Variants in DPP9 observed in about 807,000 individuals in gnomAD.
DPP9 encodes the protein dipeptidyl peptidase IV-related protein-2.
DPP9 carries 50 observed loss-of-function variants against 110.7 expected under a neutral mutation model. That is an observed-to-expected ratio of 0.45 (90% confidence interval 0.36 to 0.57). The LOEUF is 0.57. DPP9 is among the 20% of genes least tolerant of loss of function. The probability of loss-of-function intolerance (pLI) is 0.00; values close to 1 mark genes in which losing one functional copy is unlikely to be tolerated. For missense variants in DPP9, 1,022 were observed against 1,217.9 expected, an observed-to-expected ratio of 0.84 and a Z score of 2.39; for synonymous variants, 561 against 514.4, an observed-to-expected ratio of 1.09 and a Z score of -1.23.
chr19:4,713,609 C>T (rs540375143), intron 4 of DPP9, among the ~76,000 whole-genome samples: 14 of 152,346 alleles, frequency 9.2e-5, no homozygotes, highest in South Asian at 2.1e-4. Context: ...CCCGGAACCT[C>T]GGGATCCTTC....
At chr19:4,712,089 G>A (rs1280470566) in intron 4 of DPP9, among the ~76,000 whole-genome samples, 2 of 152,176 alleles carry the variant, frequency 1.3e-5, no homozygotes, top group Non-Finnish European at 2.9e-5. Context: ...CCCAACGGGA[G>A]CAAGTGGCCC....
rs545058000 is a variant in DPP9, at chr19:4,718,606, G to C, written c.56+1245C>G. On this transcript the variant is annotated intron_variant, in intron 3 of 21. Coordinates refer to ENST00000262960, the MANE Select transcript of DPP9 (RefSeq NM_139159.5). The surrounding 1 kb of genome is among the most constrained non-coding windows in gnomAD (Gnocchi z 4.3). ...CAGCACTGCCTGGGCCTTTAGCTTT[G>C]ATGAGCAACCTTTACAGAGTCACCC... Among the ~76,000 whole-genome samples, 17 of 152,332 alleles carry C rather than the reference G, an allele frequency of 1.1e-4. No homozygotes were observed. Among genetic ancestry groups the C allele is most frequent in the African/African-American group, 2.6e-4 (11 of 41,578 alleles).
chr19:4,683,262 G>A (rs894080432), intron 19 of DPP9: 15 of 1,436,550 alleles, frequency 1.0e-5, no homozygotes, highest in East Asian at 2.5e-5. Flanking sequence ...TTGTGCAGCC[G>A]GATGCCATCC....
chr19:4,683,650 C>G, intron 18 of DPP9, 21 bp from the exon 19 acceptor site: 1 of 1,613,288 alleles, frequency 6.2e-7, no homozygotes. Flanking sequence ...AAGCCGGGCA[C>G]CTCTCAGTGG....
At chr19:4,696,968 G>A (rs972816590) in intron 11 of DPP9, among the ~76,000 whole-genome samples, 6 of 152,086 alleles carry the variant, frequency 3.9e-5, no homozygotes, top group Admixed American at 1.3e-4. Context: ...GCATAGTGGC[G>A]AGTACCTATA....
Position 4,684,967 on chromosome 19 carries a change from G to T in DPP9, c.2032-158C>A, listed in dbSNP as rs1323084001. The T allele has an allele frequency of 1.1e-6, 1 of 929,588 alleles. No individual in the cohort carries two copies. The highest frequency in any genetic ancestry group is 1.7e-6 in the Non-Finnish European group (1 of 593,638). 57.6% of individuals were successfully genotyped at this position (929,588 alleles called of 1,614,324 possible). On this transcript the variant is annotated intron_variant, in intron 17 of 21. Transcript: ENST00000262960. This position sits in a 1 kb window ranked among gnomAD's most constrained non-coding sequence, Gnocchi z 4.8. ...AGGCTCTGGATGGACACCTGGGAGTGGCAAGGCGGGAGGGGCCCATACTCG... is the reference window on the plus strand; with the variant it reads ...AGGCTCTGGATGGACACCTGGGAGTTGCAAGGCGGGAGGGGCCCATACTCG...
chr19:4,707,544 C>T (rs2092644936), intron 4 of DPP9, among the ~76,000 whole-genome samples: 2 of 151,882 alleles, frequency 1.3e-5, no homozygotes, highest in South Asian at 4.2e-4. Flanking sequence ...ACTTTCAACC[C>T]TGAGTTTCTC....
Position 4,704,215 on chromosome 19 carries a change from G to A in DPP9, c.516C>T (p.Asp172=), listed in dbSNP as rs2092456098. 2.5e-6 allele frequency: 4 copies of A among 1,613,920 alleles called. No homozygotes were observed. The South Asian group carries it at 3.3e-5, about 13-fold the overall frequency. ...GGAAGAGGCCACTCTCGCTGTGGAA[G>A]TCGTAGGAGGTGATGCCGAAGACCC... ...RLGVFGITSY[D]FHSESGLFLF... Residue 172 remains aspartate, a synonymous_variant, in exon 6 of 22, where the codon GAC becomes GAT. Transcript: ENST00000262960. The surrounding 1 kb of genome is among the most constrained non-coding windows in gnomAD (Gnocchi z 6.0).
Position 4,714,174 on chromosome 19 carries a change from A to C in DPP9, c.220T>G (p.Ser74Ala), listed in dbSNP as rs1257845837. The change falls in exon 4 of 22, where the codon TCG becomes GCG. Residue 74 changes from serine to alanine, a missense_variant. Ser to Ala is a moderately conservative substitution (Grantham distance 99). Coordinates refer to ENST00000262960, the MANE Select transcript of DPP9 (RefSeq NM_139159.5). ...GGCGCCTTGTTGACAATGAGGCCCGAGTACTTGCGGCTGCCGTGGATGATG... is the reference window on the plus strand; with the variant it reads ...GGCGCCTTGTTGACAATGAGGCCCGCGTACTTGCGGCTGCCGTGGATGATG... ...RSIIHGSRKY[S>A]GLIVNKAPHD... 4 of 1,612,314 alleles carry C rather than the reference A, an allele frequency of 2.5e-6. No homozygotes were observed. Among genetic ancestry groups the C allele is most frequent in the African/African-American group, 1.3e-5 (1 of 74,838 alleles).
rs2092965148 is a variant in DPP9, at chr19:4,714,113, G to T, written c.281C>A (p.Ser94Tyr). 3 of 1,612,952 alleles carry T rather than the reference G, an allele frequency of 1.9e-6. No individual in the cohort carries two copies. Among genetic ancestry groups the T allele is most frequent in the Non-Finnish European group, 2.5e-6 (3 of 1,179,454 alleles). The change falls in exon 4 of 22, where the codon TCT (serine) becomes TAT (tyrosine). Residue 94 changes from serine to tyrosine, a missense_variant. Physicochemically the swap from Ser to Tyr is moderately radical, Grantham distance 144. Transcript: ENST00000262960. ...GTAGAGGCGGTGGGAGTGGGGCCCA[G>T]ACTCATCCGTCTTCTGCACAAACTG... The part of the protein sequence containing the change: ...DFQFVQKTDE[S>Y]GPHSHRLYYL...
chr19:4,692,098 G>A (rs1190735130), intron 13 of DPP9, among the ~76,000 whole-genome samples: 5 of 152,140 alleles, frequency 3.3e-5, no homozygotes, highest in African/African-American at 1.2e-4. Flanking sequence ...TGGGATTCCA[G>A]GTGTGAGCCA....
Position 4,694,276 on chromosome 19 carries a change from T to C in DPP9, c.1516+385A>G. 2.6e-6 allele frequency: 1 copy of C among 377,960 alleles called. No individual in the cohort carries two copies. The highest frequency in any genetic ancestry group is 4.8e-6 in the Non-Finnish European group (1 of 210,472). The allele number at this position is 377,960 out of a possible 1,614,324, so 23.4% of individuals were successfully genotyped here. ...AACAGTTTCTGCTGGGACTACCCAGTTCTGCTGCTGCAGCACAAAAGCGAC... is the reference window on the plus strand; with the variant it reads ...AACAGTTTCTGCTGGGACTACCCAGCTCTGCTGCTGCAGCACAAAAGCGAC... On this transcript the variant is annotated intron_variant, in intron 13 of 21. Transcript: ENST00000262960. This position sits in a 1 kb window ranked among gnomAD's most constrained non-coding sequence, Gnocchi z 4.0.
chr19:4,705,634 G>A (rs577207736), intron 5 of DPP9, among the ~76,000 whole-genome samples: 7 of 152,362 alleles, frequency 4.6e-5, no homozygotes, highest in Admixed American at 6.5e-5. Flanking sequence ...TGGTGATGCC[G>A]TTAAAAGGAA....
rs559024100 is a variant in DPP9 at position 4,684,895 on chromosome 19, G to T, written c.2032-86C>A. ...GGGAGATGCCGGTGGGCTGGGGACC[G>T]GGCCGGGCTGGGGCCTCAGAGCCTA... On this transcript the variant is annotated intron_variant, in intron 17 of 21. Transcript: ENST00000262960. The surrounding 1 kb of genome is among the most constrained non-coding windows in gnomAD (Gnocchi z 4.8). The T allele has an allele frequency of 1.3e-6, 2 of 1,512,872 alleles. No individual in the cohort carries two copies. The highest frequency in any genetic ancestry group is 1.4e-5 in the African/African-American group (1 of 72,302). The allele number at this position is 1,512,872 out of a possible 1,614,324, so 93.7% of individuals were successfully genotyped here. A position where few individuals can be genotyped will look rare whatever the true frequency, so the allele number is the denominator to read the frequency against.
In DPP9 at chr19:4,676,607, T is replaced by C; in HGVS notation, c.2636A>G (p.His879Arg). The C allele has an allele frequency of 6.2e-7, 1 of 1,609,236 alleles. No individual in the cohort carries two copies. Among genetic ancestry groups the C allele is most frequent in the Non-Finnish European group, 8.5e-7 (1 of 1,177,910 alleles). ...AAAGTGCAGCAACGTGACTTCATAG[T>C]GCTCGCCCGACTCGGGGCAGCGAAT... ...HSIRCPESGEHYEVTLLHFLQ... is the reference protein window; with the variant it reads ...HSIRCPESGERYEVTLLHFLQ... Residue 879 changes from histidine to arginine, a missense_variant, in exon 22 of 22, where the codon CAC (histidine) becomes CGC (arginine). By Grantham distance (29) the His-to-Arg change is conservative (BLOSUM62 0). Coordinates refer to ENST00000262960, the MANE Select transcript of DPP9 (RefSeq NM_139159.5). This position sits in a 1 kb window ranked among gnomAD's most constrained non-coding sequence, Gnocchi z 4.0.
In DPP9 at chr19:4,723,786, GA is replaced by G. The variant is rs903611717; in HGVS notation, c.-202del. On this transcript the variant is annotated 5_prime_UTR_variant, in exon 1 of 22. Coordinates refer to ENST00000262960, the MANE Select transcript of DPP9 (RefSeq NM_139159.5). ...CCCGGAAGTGGCGGGAGCGGGGGAC[GA>G]CAGCCGCGGCGGACACAGGGGACCC... 6.5e-6 allele frequency: 1 copy of G among 154,272 alleles called. No individual in the cohort carries two copies. Among genetic ancestry groups the G allele is most frequent in the Admixed American group, 6.5e-5 (1 of 15,294 alleles). The allele number at this position is 154,272 out of a possible 1,614,324, so 9.6% of individuals were successfully genotyped here.
intron 11 of DPP9, 137 bp downstream of exon 11, chr19:4,697,414 T>C: frequency 7.3e-6 from 5 of 689,604 alleles, no homozygotes; most frequent in Non-Finnish European, 1.2e-5. Context: ...GTCTGAGGCC[T>C]GTCCTGGCGG....
Position 4,676,498 on chromosome 19 carries a change from C to T in DPP9, c.*66G>A. 1.4e-6 allele frequency: 2 copies of T among 1,415,050 alleles called. No homozygotes were observed. The highest frequency in any genetic ancestry group is 9.8e-7 in the Non-Finnish European group (1 of 1,023,598). 87.7% of individuals were successfully genotyped at this position (1,415,050 alleles called of 1,614,324 possible). Reference sequence around the variant, plus strand: ...GGGCCCGCGGGCCACTCAGTCCCTCCCGCCTGGTTCCCCGCGGAGGCTGCA... The same window carrying T: ...GGGCCCGCGGGCCACTCAGTCCCTCTCGCCTGGTTCCCCGCGGAGGCTGCA... On this transcript the variant is annotated 3_prime_UTR_variant, in exon 22 of 22. Transcript: ENST00000262960. This position sits in a 1 kb window ranked among gnomAD's most constrained non-coding sequence, Gnocchi z 4.0.
intron 4 of DPP9, among the ~76,000 whole-genome samples, chr19:4,713,227 T>C (rs1216983747): frequency 6.6e-6 from 1 of 152,192 alleles, no homozygotes; most frequent in East Asian, 1.9e-4. Context: ...TCCCCAGCCA[T>C]GTGTCACGCT....
Sources: gnomAD v4.1 joint callset for allele counts (sites outside exome capture counted in the v4.1 genomes callset) on GRCh38, gnomAD v4.1.1 for gene constraint, Gnocchi (gnomAD v3.1) non-coding constraint, MANE v1.5 for transcripts, NCBI Gene and HGNC (gene_info 2026-07-23, HGNC 2026-07-21) for gene names.